The following PCA3 variants were observed in gnomAD, a reference collection of about 807,000 sequenced individuals.
PCA3 encodes Differential Display code 3.
At chr9:76,773,455 T>C (rs1243727587) in intron 2 of PCA3, among the ~76,000 whole-genome samples, 3 of 150,066 alleles carry the variant, frequency 2.0e-5, no homozygotes, top group Non-Finnish European at 4.4e-5. Flanking sequence ...TTTTTTTTTT[T>C]TTTTTGAGAC....
At chr9:76,766,057 C>T (rs572260988) in intron 2 of PCA3, among the ~76,000 whole-genome samples, 19 of 151,920 alleles carry the variant, frequency 1.3e-4, no homozygotes, top group African/African-American at 3.9e-4. Context: ...GTGGCAGGCA[C>T]CTGTAGTCCC....
At chr9:76,773,542 C>A (rs1390686852) in intron 2 of PCA3, among the ~76,000 whole-genome samples, 3 of 149,500 alleles carry the variant, frequency 2.0e-5, no homozygotes, top group Non-Finnish European at 4.4e-5. Context: ...CTCCCGGGTT[C>A]AAGGGATTCT....
chr9:76,786,464 G>C (rs1039824679), intron 2 of PCA3: 1 of 152,386 alleles, frequency 6.6e-6, no homozygotes, highest in African/African-American at 2.4e-5. Context: ...AAGGAAACCA[G>C]TGTCATGAGT....
At chr9:76,775,609 C>A (rs2053651066) in intron 2 of PCA3, among the ~76,000 whole-genome samples, 1 of 152,094 alleles carries the variant, frequency 6.6e-6, no homozygotes, top group African/African-American at 2.4e-5. Flanking sequence ...CCTATTTTGT[C>A]ATTTTAAAAA....
At position 76,786,905 on chromosome 9, in the gene PCA3, A is replaced by G. The variant is rs555092987; in HGVS notation, n.853-21678A>G. The G allele has an allele frequency of 3.9e-5, 6 of 152,342 alleles. No individual in the cohort carries two copies. The East Asian group carries it at 1.2e-3, about 29-fold the overall frequency. 9.4% of individuals were successfully genotyped at this position (152,342 alleles called of 1,614,324 possible). On this transcript the variant is annotated intron_variant and non_coding_transcript_variant, in intron 2 of 5. Transcript: ENST00000644657. ...GAAACCCAGTGGCTCCTTGTGGTACATGCATGCAAGACTGCTGAAGCCAGA... is the reference window on the plus strand; with the variant it reads ...GAAACCCAGTGGCTCCTTGTGGTACGTGCATGCAAGACTGCTGAAGCCAGA...
intron 2 of PCA3, among the ~76,000 whole-genome samples, chr9:76,777,596 A>G (rs2053939642): frequency 6.6e-6 from 1 of 152,260 alleles, no homozygotes; most frequent in Admixed American, 6.5e-5. Context: ...TCTTGGGGAT[A>G]CAGTATTAAA....
chr9:76,768,601 G>C (rs1455674102), intron 2 of PCA3, among the ~76,000 whole-genome samples: 1 of 150,544 alleles, frequency 6.6e-6, no homozygotes, highest in African/African-American at 2.5e-5. Flanking sequence ...GTGTGTGTGT[G>C]TGTGTGTGTG....
intron 2 of PCA3, chr9:76,785,634 T>C (rs2054896710): frequency 6.6e-6 from 1 of 152,178 alleles, no homozygotes; most frequent in Non-Finnish European, 1.5e-5. Context: ...TCCTTGTAGT[T>C]AATTGAAAGA....
intron 2 of PCA3, among the ~76,000 whole-genome samples, chr9:76,773,616 G>A (rs1462599680): frequency 6.6e-6 from 1 of 151,878 alleles, no homozygotes; most frequent in African/African-American, 2.4e-5. Flanking sequence ...GCTAATTTTT[G>A]TACTTTTAGT....
intron 2 of PCA3, among the ~76,000 whole-genome samples, chr9:76,775,068 GA>G: frequency 6.6e-6 from 1 of 151,910 alleles, no homozygotes; most frequent in African/African-American, 2.4e-5. Context: ...TCCCAAAGAA[GA>G]AAAAAAATTT....
rs1564272869 is a variant in PCA3, at chr9:76,774,464, T to TA, written n.853-34119_853-34118insA. 4.7e-3 allele frequency among the ~76,000 whole-genome samples: 678 copies of TA among 142,860 alleles called. 16 individuals are homozygous for TA. Among genetic ancestry groups the TA allele is most frequent in the African/African-American group, 0.017 (658 of 39,120 alleles). The allele number at this position is 142,860 out of a possible 152,430, so 93.7% of individuals were successfully genotyped here. ...CCAGTTCAACCCTTTTTTTTTTTTT[T>TA]TTTTTTTTTTTTTGAGATGGAGTCT... On this transcript the variant is annotated intron_variant and non_coding_transcript_variant, in intron 2 of 5. Coordinates refer to ENST00000644657, the Ensembl canonical transcript of PCA3.
chr9:76,768,386 G>A (rs1348229701), intron 2 of PCA3, among the ~76,000 whole-genome samples: 6 of 151,796 alleles, frequency 4.0e-5, no homozygotes, highest in Non-Finnish European at 7.4e-5. Context: ...AGTGACGGGG[G>A]TTCACCATGT....
At chr9:76,781,196 G>A (rs922250704) in intron 2 of PCA3, among the ~76,000 whole-genome samples, 9 of 152,098 alleles carry the variant, frequency 5.9e-5, no homozygotes, top group Admixed American at 2.0e-4. Context: ...TATTTGCATT[G>A]TTACCTGCTT....
intron 2 of PCA3, among the ~76,000 whole-genome samples, chr9:76,778,146 T>G (rs867627845): frequency 5.9e-5 from 9 of 152,208 alleles, no homozygotes; most frequent in African/African-American, 2.2e-4. Context: ...TCAGAATCTC[T>G]GGAGGTAGAC....
intron 2 of PCA3, chr9:76,787,037 C>T (rs2055057741): frequency 6.6e-6 from 1 of 152,184 alleles, no homozygotes; most frequent in South Asian, 2.1e-4. Context: ...CTCTGCATCT[C>T]CCCTTTCTAA....
At chr9:76,785,276 A>C (rs1413010146) in intron 2 of PCA3, 1 of 152,232 alleles carries the variant, frequency 6.6e-6, no homozygotes, top group Non-Finnish European at 1.5e-5. Context: ...ATCTTACTTC[A>C]TGCAAAGAAG....
intron 2 of PCA3, among the ~76,000 whole-genome samples, chr9:76,779,278 A>G (rs926406499): frequency 6.6e-6 from 1 of 151,970 alleles, no homozygotes; most frequent in Non-Finnish European, 1.5e-5. Flanking sequence ...AGTCACTTAA[A>G]GGAGAACTGA....
At chr9:76,765,040 T>A (rs1156663772) in intron 2 of PCA3, among the ~76,000 whole-genome samples, 1 of 152,198 alleles carries the variant, frequency 6.6e-6, no homozygotes, top group Non-Finnish European at 1.5e-5. Flanking sequence ...CCATTAGATA[T>A]TTAAATGGAG....
At chr9:76,764,970 C>A (rs1245538067) in intron 2 of PCA3, among the ~76,000 whole-genome samples, 2 of 152,124 alleles carry the variant, frequency 1.3e-5, no homozygotes, top group East Asian at 1.9e-4. Flanking sequence ...AAGAATGATG[C>A]AGAGCAGATT....
Sources: gnomAD v4.1 joint callset for allele counts (sites outside exome capture counted in the v4.1 genomes callset) on GRCh38, gnomAD v4.1.1 for gene constraint, MANE v1.5 for transcripts, NCBI Gene and HGNC (gene_info 2026-07-23, HGNC 2026-07-21) for gene names.